KSR2: variants seen among roughly 807,000 people sequenced by gnomAD.
KSR2 encodes the protein kinase suppressor of ras 2.
A neutral mutation model predicts 107.8 loss-of-function variants in KSR2; 25 were observed. That is an observed-to-expected ratio of 0.23 (90% CI 0.17 to 0.32). The LOEUF (loss-of-function observed/expected upper bound fraction) is 0.32. KSR2 is among the 10% of genes least tolerant of loss of function. KSR2 has a pLI of 1.00. For synonymous variants in KSR2, 480 were observed against 507.0 expected (o/e 0.95, Z 0.71); for missense variants, 887 against 1,268.9 (o/e 0.70, Z 4.57).
intron 1 of KSR2, among the ~76,000 whole-genome samples, chr12:117,914,946 AAAG>A (rs1443055900): frequency 6.6e-6 from 1 of 152,244 alleles, no homozygotes; most frequent in Non-Finnish European, 1.5e-5. Flanking sequence ...ATCTCAGAGA[AAAG>A]AAGCCAAGAA....
chr12:117,753,974 G>A (rs972953345), intron 4 of KSR2, among the ~76,000 whole-genome samples: 4 of 150,934 alleles, frequency 2.7e-5, no homozygotes, highest in Non-Finnish European at 5.9e-5. Flanking sequence ...GTGTGTGTGT[G>A]TGTGTGTGTG....
intron 12 of KSR2, among the ~76,000 whole-genome samples, 183 bp from the exon 13 acceptor site, chr12:117,527,302 G>GACAC (rs754390805): frequency 1.5e-3 from 102 of 67,732 alleles, no homozygotes; most frequent in East Asian, 7.1e-3. Context: ...CACACACACA[G>GACAC]ACACACACAC....
chr12:117,825,634 G>GATTC (rs1891716373), intron 3 of KSR2, among the ~76,000 whole-genome samples: 1 of 152,048 alleles, frequency 6.6e-6, no homozygotes, highest in Non-Finnish European at 1.5e-5. Context: ...GTATTTGTCA[G>GATTC]ATTCTCAAAT....
At chr12:117,607,161 G>C (rs927615770) in intron 5 of KSR2, among the ~76,000 whole-genome samples, 1 of 152,152 alleles carries the variant, frequency 6.6e-6, no homozygotes, top group Non-Finnish European at 1.5e-5. Flanking sequence ...CCTCCCCTGG[G>C]CCTGGCCCAG....
At chr12:117,911,600 G>A (rs1444330543) in intron 1 of KSR2, among the ~76,000 whole-genome samples, 1 of 152,070 alleles carries the variant, frequency 6.6e-6, no homozygotes, top group Non-Finnish European at 1.5e-5. Context: ...GACAGCACTT[G>A]GACATATCTC....
intron 4 of KSR2, among the ~76,000 whole-genome samples, chr12:117,692,491 TATATATATATATATAC>T (rs1885865402): frequency 1.0e-5 from 1 of 96,200 alleles, no homozygotes; most frequent in African/African-American, 4.0e-5. Flanking sequence ...TATATATATA[TATATATATATATATAC>T]ACACACACAT....
chr12:117,931,725 G>T (rs1895699853), intron 1 of KSR2, among the ~76,000 whole-genome samples: 1 of 152,152 alleles, frequency 6.6e-6, no homozygotes, highest in African/African-American at 2.4e-5. Flanking sequence ...TTTCCAAATA[G>T]AGCTGAGAAG....
intron 1 of KSR2, among the ~76,000 whole-genome samples, chr12:117,867,103 C>T (rs1893498682): frequency 6.6e-6 from 1 of 151,876 alleles, no homozygotes; most frequent in African/African-American, 2.4e-5. Flanking sequence ...ATCGCTTGAG[C>T]TCATGAGTTC....
chr12:117,467,012 C>A lies in KSR2; in HGVS notation c.*187G>T, dbSNP rs1230900943. 1 of 478,090 alleles carries A rather than the reference C, an allele frequency of 2.1e-6. No homozygotes were observed. The highest frequency in any genetic ancestry group is 3.7e-6 in the Non-Finnish European group (1 of 271,270). The allele number at this position is 478,090 out of a possible 1,614,324, so 29.6% of individuals were successfully genotyped here. A position where few individuals can be genotyped will look rare whatever the true frequency, so the allele number is the denominator to read the frequency against. On this transcript the variant is annotated 3_prime_UTR_variant, in exon 20 of 20. Transcript: ENST00000339824. ...CCTAGCTCGGGGGTCCCCAACCCTGCCCGAGGAAAAGGGCTCAAGTCTGAG... is the reference window on the plus strand; with the variant it reads ...CCTAGCTCGGGGGTCCCCAACCCTGACCGAGGAAAAGGGCTCAAGTCTGAG...
rs972073509 is a variant in KSR2, at chr12:117,607,561, A to G, written c.1172-25202T>C. On this transcript the variant is annotated intron_variant, in intron 5 of 19. Transcript: ENST00000339824. ...GCCCCCTTTCTCCAGCAGTGGGAGA[A>G]TCTCCAAGAGGGAATCAGAAAAAGC... 2.6e-5 allele frequency among the ~76,000 whole-genome samples: 4 copies of G among 151,908 alleles called. No homozygotes were observed. The East Asian group carries it at 7.8e-4, about 30-fold the overall frequency.
At chr12:117,519,901 C>A (rs899963628) in intron 14 of KSR2, among the ~76,000 whole-genome samples, 22 of 152,262 alleles carry the variant, frequency 1.4e-4, no homozygotes, top group African/African-American at 5.3e-4. Context: ...AAACTCAGTT[C>A]TAATAGGCCA....
chr12:117,571,970 C>T (rs986054008), intron 7 of KSR2, among the ~76,000 whole-genome samples: 1 of 152,218 alleles, frequency 6.6e-6, no homozygotes, highest in Non-Finnish European at 1.5e-5. Flanking sequence ...TGAGCAACGC[C>T]TCCCACCCCC....
rs1481300792 is a variant in KSR2 at position 117,740,539 on chromosome 12, GT to G, written c.986+20471del. On this transcript the variant is annotated intron_variant, in intron 4 of 19. Transcript: ENST00000339824. ...AATATATAGTACATATATTATATAT[GT>G]AATATATGCATATAATATATGAATA... is the stretch of plus-strand genomic sequence containing the variant. Among the ~76,000 whole-genome samples the G allele has an allele frequency of 2.2e-5, 2 of 91,802 alleles. 1 individual carries two copies. The highest frequency in any genetic ancestry group is 5.1e-5 in the Non-Finnish European group (2 of 39,080). The allele number at this position is 91,802 out of a possible 152,430, so 60.2% of individuals were successfully genotyped here. A position where few individuals can be genotyped will look rare whatever the true frequency, so the allele number is the denominator to read the frequency against.
intron 3 of KSR2, among the ~76,000 whole-genome samples, chr12:117,795,791 TG>T (rs913547003): frequency 6.6e-6 from 1 of 152,102 alleles, no homozygotes; most frequent in African/African-American, 2.4e-5. Flanking sequence ...ATCAATTTTT[TG>T]TAGAGACAGG....
chr12:117,877,885 T>C (rs1252870702), intron 1 of KSR2, among the ~76,000 whole-genome samples: 2 of 152,190 alleles, frequency 1.3e-5, no homozygotes, highest in African/African-American at 4.8e-5. Context: ...TTCTCTTTTC[T>C]TGTCAACAAG....
intron 3 of KSR2, among the ~76,000 whole-genome samples, chr12:117,833,119 C>T (rs377358851): frequency 4.2e-4 from 64 of 152,224 alleles, no homozygotes; most frequent in African/African-American, 1.4e-3. Flanking sequence ...TGTGACTTAC[C>T]CAAGCTGTGC....
chr12:117,732,926 G>T (rs1028982019), intron 4 of KSR2, among the ~76,000 whole-genome samples: 1 of 152,116 alleles, frequency 6.6e-6, no homozygotes, highest in Non-Finnish European at 1.5e-5. Context: ...AGGGTCCAGG[G>T]CTCCCTCCTC....
chr12:117,468,996 C>T (rs1871287640), intron 19 of KSR2, among the ~76,000 whole-genome samples: 1 of 152,052 alleles, frequency 6.6e-6, no homozygotes, highest in South Asian at 2.1e-4. Flanking sequence ...GGGGAGCCCT[C>T]AGCAGCCTCA....
intron 1 of KSR2, among the ~76,000 whole-genome samples, chr12:117,961,695 G>A (rs1896662258): frequency 6.6e-6 from 1 of 152,146 alleles, no homozygotes; most frequent in Admixed American, 6.6e-5. Flanking sequence ...GAGGAGCTCA[G>A]GCAAGACCAG....
Sources: gnomAD v4.1 joint callset for allele counts (sites outside exome capture counted in the v4.1 genomes callset) on GRCh38, gnomAD v4.1.1 for gene constraint, MANE v1.5 for transcripts, NCBI Gene and HGNC (gene_info 2026-07-23, HGNC 2026-07-21) for gene names.